USP13: variants seen among roughly 807,000 people sequenced by gnomAD.
USP13 encodes the protein ubiquitin carboxyl-terminal hydrolase 13.
Under a neutral mutation model 107.8 loss-of-function variants are expected in USP13, and 68 were observed. That is an observed-to-expected ratio of 0.63 (90% CI 0.52 to 0.77). USP13 has a LOEUF of 0.77. USP13 is among the 30% of genes least tolerant of loss of function. USP13 has a pLI of 0.00. For synonymous variants in USP13, 377 were observed against 389.5 expected (o/e 0.97, Z 0.38); for missense variants, 945 against 1,093.3 (o/e 0.86, Z 1.91).
chr3:179,679,759 A>G (rs1403129469), intron 1 of USP13, among the ~76,000 whole-genome samples: 1 of 147,588 alleles, frequency 6.8e-6, no homozygotes, highest in Admixed American at 6.8e-5. Context: ...TAACACTTCC[A>G]TGCTGTGTGA....
intron 19 of USP13, among the ~76,000 whole-genome samples, chr3:179,772,381 C>G (rs2284885): frequency 6.6e-6 from 1 of 152,232 alleles, no homozygotes; most frequent in Non-Finnish European, 1.5e-5. Flanking sequence ...TGTGATTACT[C>G]AGAGCCTGCT....
At chr3:179,700,103 T>C (rs911485482) in intron 3 of USP13, among the ~76,000 whole-genome samples, 1 of 152,116 alleles carries the variant, frequency 6.6e-6, no homozygotes. Context: ...GATGCTGAAA[T>C]GTCCATATAC....
chr3:179,712,009 T>G lies in USP13; in HGVS notation c.805+3052T>G, dbSNP rs562566253. Among the ~76,000 whole-genome samples, 21 of 152,356 alleles carry G rather than the reference T, an allele frequency of 1.4e-4. No homozygotes were observed. In the East Asian group the frequency reaches 4.0e-3, roughly 29 times the overall value. ...GTAATGCTGTAATGCTACAACATGATGGTTATATCACTAGGTGGCAGGAAT... is the reference window on the plus strand; with the variant it reads ...GTAATGCTGTAATGCTACAACATGAGGGTTATATCACTAGGTGGCAGGAAT... On this transcript the variant is annotated intron_variant, in intron 6 of 20. Coordinates refer to ENST00000263966, the MANE Select transcript of USP13 (RefSeq NM_003940.3).
chr3:179,682,133 ACAGCACTGCTTG>A, intron 2 of USP13, 130 bp downstream of exon 2: 1 of 1,212,618 alleles, frequency 8.2e-7, no homozygotes, highest in East Asian at 2.6e-5. Flanking sequence ...AGAAACAAAA[ACAGCACTGCTTG>A]CAAAATCCAG....
intron 19 of USP13, among the ~76,000 whole-genome samples, chr3:179,769,904 CTGGAAGGGAAGTTTG>C (rs1184906096): frequency 1.3e-5 from 2 of 152,082 alleles, no homozygotes; most frequent in African/African-American, 4.8e-5. Context: ...AGGGAAGTTT[CTGGAAGGGAAGTTTG>C]TGAGTGAAAA....
chr3:179,657,626 T>TG (rs1269232559), intron 1 of USP13, among the ~76,000 whole-genome samples: 5 of 150,796 alleles, frequency 3.3e-5, no homozygotes, highest in Non-Finnish European at 7.4e-5. Context: ...CATCTGGGTG[T>TG]GGTGGCACGC....
At position 179,708,868 on chromosome 3, in the gene USP13, C is replaced by T. The variant is rs746974398; in HGVS notation, c.716C>T (p.Ser239Phe). ...VLCGKWFFDS[S>F]GGNGHALEHY... ...TGTGGAAAGTGGTTCTTTGACAGCT[C>T]TGGGGGCAACGGGCATGCGCTGGAG... The change falls in exon 6 of 21, where the codon TCT (serine) becomes TTT (phenylalanine). Residue 239 changes from serine (S) to phenylalanine (F), a missense_variant. Physicochemically the swap from Ser to Phe is radical, Grantham distance 155. Coordinates refer to ENST00000263966, the MANE Select transcript of USP13 (RefSeq NM_003940.3). The T allele has an allele frequency of 5.0e-6, 8 of 1,613,982 alleles. No individual in the cohort carries two copies. The highest frequency in any genetic ancestry group is 5.9e-6 in the Non-Finnish European group (7 of 1,180,032).
intron 1 of USP13, among the ~76,000 whole-genome samples, chr3:179,657,298 A>C (rs12631991): frequency 1.3e-5 from 2 of 152,008 alleles, no homozygotes; most frequent in East Asian, 3.9e-4. Context: ...CAGGTGGATC[A>C]CCTGAGGTCA....
chr3:179,720,134 G>A, intron 7 of USP13, 100 bp downstream of exon 7: 6 of 765,588 alleles, frequency 7.8e-6, no homozygotes, highest in Admixed American at 3.3e-5. Flanking sequence ...TTCCTCTAAC[G>A]TGGATCTTCA....
intron 13 of USP13, among the ~76,000 whole-genome samples, chr3:179,746,543 C>T (rs1306703858): frequency 6.6e-6 from 1 of 152,168 alleles, no homozygotes; most frequent in African/African-American, 2.4e-5. Flanking sequence ...AGTGATTCTC[C>T]TGCCTCAGCT....
chr3:179,749,971 T>G (rs1714537892), intron 13 of USP13, among the ~76,000 whole-genome samples: 1 of 152,116 alleles, frequency 6.6e-6, no homozygotes, highest in South Asian at 2.1e-4. Context: ...CATTTTTACA[T>G]TAAAATATCA....
chr3:179,710,502 T>G lies in USP13; in HGVS notation c.805+1545T>G, dbSNP rs544793050. Reference sequence around the variant, plus strand: ...ACTATAACTGTTCGTATATGCAGCTTAGTTCTTCTGACTTTTTAGGATGAA... The same window carrying G: ...ACTATAACTGTTCGTATATGCAGCTGAGTTCTTCTGACTTTTTAGGATGAA... On this transcript the variant is annotated intron_variant, in intron 6 of 20. Transcript: ENST00000263966. Among the ~76,000 whole-genome samples the G allele has an allele frequency of 3.3e-5, 5 of 152,354 alleles. No individual in the cohort carries two copies. In the South Asian group the frequency reaches 1.0e-3, roughly 32 times the overall value.
At position 179,669,189 on chromosome 3, in the gene USP13, G is replaced by A. The variant is rs138900363; in HGVS notation, c.169-12689G>A. 1.1e-4 allele frequency among the ~76,000 whole-genome samples: 16 copies of A among 152,266 alleles called. No homozygotes were observed. The East Asian group carries it at 2.5e-3, about 24-fold the overall frequency. ...CTAAAATTATATCCTGGCTGGGCGC[G>A]GTGGCTCACGCCTCTAATCCCAGCA... On this transcript the variant is annotated intron_variant, in intron 1 of 20. Transcript: ENST00000263966.
In USP13 at chr3:179,784,116, A is replaced by G. The variant is rs1307529501; in HGVS notation, c.2567A>G (p.Tyr856Cys). The G allele has an allele frequency of 1.9e-6, 3 of 1,612,930 alleles. No individual in the cohort carries two copies. Among genetic ancestry groups the G allele is most frequent in the Non-Finnish European group, 2.5e-6 (3 of 1,179,664 alleles). ...ERPPKDLGYM[Y>C]FYRRIPS ...CCCCCTAAAGACCTGGGCTACATGT[A>G]CTTTTACCGCAGGATACCAAGCTAA... Residue 856 changes from tyrosine to cysteine, a missense_variant, in exon 21 of 21, where the codon TAC becomes TGC. Tyr to Cys is a radical substitution (Grantham distance 194). Transcript: ENST00000263966.
At chr3:179,709,689 C>T (rs1481293285) in intron 6 of USP13, among the ~76,000 whole-genome samples, 1 of 152,176 alleles carries the variant, frequency 6.6e-6, no homozygotes, top group Non-Finnish European at 1.5e-5. Flanking sequence ...TGAGCAGTGG[C>T]TATGAGAACC....
At chr3:179,759,281 G>A (rs1488332005) in intron 16 of USP13, among the ~76,000 whole-genome samples, 4 of 152,032 alleles carry the variant, frequency 2.6e-5, no homozygotes, top group Non-Finnish European at 5.9e-5. Flanking sequence ...GCGCCCAGCC[G>A]GAATTATGTA....
In USP13 at chr3:179,653,442, AC is replaced by A. The variant is rs1560035549; in HGVS notation, c.168+50del. 2.6e-6 allele frequency: 4 copies of A among 1,530,786 alleles called. No homozygotes were observed. Among genetic ancestry groups the A allele is most frequent in the Non-Finnish European group, 3.5e-6 (4 of 1,135,094 alleles). 94.8% of individuals were successfully genotyped at this position (1,530,786 alleles called of 1,614,324 possible). On this transcript the variant is annotated intron_variant, in intron 1 of 20. Transcript: ENST00000263966. This position sits in a 1 kb window ranked among gnomAD's most constrained non-coding sequence, Gnocchi z 4.0. ...GGTCGCGGGGCCGGCGGCCTGCGGC[AC>A]GTGAAGCCGGGGGAGAAGATGCGCA...
chr3:179,779,457 G>A (rs766216248), intron 19 of USP13, among the ~76,000 whole-genome samples: 2 of 151,986 alleles, frequency 1.3e-5, no homozygotes, highest in Non-Finnish European at 1.5e-5. Context: ...TTGAAGCCAG[G>A]GGGTGGAGGT....
chr3:179,707,467 C>T (rs55857774), intron 5 of USP13, among the ~76,000 whole-genome samples: 1,872 of 152,240 alleles, frequency 0.012, 22 homozygotes, highest in South Asian at 0.044. Flanking sequence ...GTTTTCTGCC[C>T]CTGCAGGTGG....
Sources: gnomAD v4.1 joint callset for allele counts (sites outside exome capture counted in the v4.1 genomes callset) on GRCh38, gnomAD v4.1.1 for gene constraint, Gnocchi (gnomAD v3.1) non-coding constraint, MANE v1.5 for transcripts, NCBI Gene and HGNC (gene_info 2026-07-23, HGNC 2026-07-21) for gene names.